KITLG: variants seen among roughly 807,000 people sequenced by gnomAD.
The protein encoded by KITLG is c-Kit ligand.
In KITLG, 13 loss-of-function variants were observed where a neutral mutation model predicts 34.1. The ratio of observed to expected loss-of-function variants is 0.38; its 90% CI spans 0.25 to 0.61. The LOEUF (loss-of-function observed/expected upper bound fraction) is 0.61. Among genes scored for constraint, KITLG ranks in the 20% least tolerant of loss-of-function variants. The probability of loss-of-function intolerance (pLI) is 0.60; values close to 1 mark genes in which losing one functional copy is unlikely to be tolerated. For synonymous variants in KITLG, 110 were observed against 104.0 expected, an observed-to-expected ratio of 1.06 and a Z score of -0.35; for missense variants, 292 against 318.9, an observed-to-expected ratio of 0.92 and a Z score of 0.64.
intron 1 of KITLG, among the ~76,000 whole-genome samples, chr12:88,576,527 A>C (rs1871829681): frequency 6.6e-6 from 1 of 152,230 alleles, no homozygotes; most frequent in Non-Finnish European, 1.5e-5. Context: ...AATTTCATTT[A>C]GTCCTTAAAA....
At position 88,507,064 on chromosome 12, in the gene KITLG, A is replaced by T; in HGVS notation, c.678T>A (p.Leu226=). 6.2e-7 allele frequency: 1 copy of T among 1,613,150 alleles called. No homozygotes were observed. The highest frequency in any genetic ancestry group is 8.5e-7 in the Non-Finnish European group (1 of 1,179,114). The change falls in exon 7 of 10, where the codon CTT becomes CTA. Residue 226 remains leucine, a synonymous_variant. Coordinates refer to ENST00000644744, the MANE Select transcript of KITLG (RefSeq NM_000899.5). ...AGGCTCCAAAAGCAAAGCCAATTAT[A>T]AGAGAAAACAATGCTGGCAATGCCA... The part of the protein sequence containing the change: ...AAMALPALFS[L]IIGFAFGALY...
chr12:88,549,085 G>A (rs190565492), intron 1 of KITLG, among the ~76,000 whole-genome samples: 192 of 152,284 alleles, frequency 1.3e-3, no homozygotes, highest in African/African-American at 4.4e-3. Flanking sequence ...AGAAAAGCTG[G>A]TGCCAAGGTC....
intron 1 of KITLG, among the ~76,000 whole-genome samples, chr12:88,560,548 G>T (rs1021462543): frequency 2.0e-5 from 3 of 152,178 alleles, no homozygotes; most frequent in Non-Finnish European, 4.4e-5. Context: ...TTCCAAGCAG[G>T]CAGGCTCTTT....
Position 88,501,070 on chromosome 12 carries a change from A to G in KITLG, c.*38-3889T>C, listed in dbSNP as rs145729694. Among the ~76,000 whole-genome samples the G allele has an allele frequency of 1.8e-3, 278 of 151,256 alleles. 2 individuals carry two copies. The highest frequency in any genetic ancestry group is 6.5e-3 in the African/African-American group (268 of 41,200). ...ACTGGGATTACAGGAATGAGCTACC[A>G]CTCCTGGCCTATTTATTCCTAGGTG... On this transcript the variant is annotated intron_variant, in intron 9 of 9. Transcript: ENST00000644744.
rs41303007 is a variant in KITLG, at chr12:88,580,401, G to A, written c.-123C>T. The A allele has an allele frequency of 8.7e-7, 1 of 1,155,062 alleles. No homozygotes were observed. Among genetic ancestry groups the A allele is most frequent in the Middle Eastern group, 1.9e-4 (1 of 5,208 alleles). The allele number at this position is 1,155,062 out of a possible 1,614,324, so 71.6% of individuals were successfully genotyped here. A position where few individuals can be genotyped will look rare whatever the true frequency, so the allele number is the denominator to read the frequency against. On this transcript the variant is annotated 5_prime_UTR_variant, in exon 1 of 10. Coordinates refer to ENST00000644744, the MANE Select transcript of KITLG (RefSeq NM_000899.5). ...ATAGTCCACGCATTGGGTAGCCCGA[G>A]CGCAGCGCCCTCTCCACTGTCCCTG...
At chr12:88,518,193 A>T (rs545001679) in intron 4 of KITLG, among the ~76,000 whole-genome samples, 1 of 151,548 alleles carries the variant, frequency 6.6e-6, no homozygotes, top group East Asian at 1.9e-4. Context: ...CCAATATCTC[A>T]CTCTTATTTT....
chr12:88,522,764 A>G (rs1277198666), intron 3 of KITLG, among the ~76,000 whole-genome samples: 1 of 152,114 alleles, frequency 6.6e-6, no homozygotes, highest in African/African-American at 2.4e-5. Context: ...GGTAAGATTT[A>G]CGGATTAAGA....
chr12:88,521,747 T>G (rs1354799899), intron 3 of KITLG, among the ~76,000 whole-genome samples: 23 of 152,142 alleles, frequency 1.5e-4, no homozygotes, highest in Non-Finnish European at 2.9e-5. Context: ...AGAAGAAACA[T>G]ATAGATTCTG....
intron 1 of KITLG, among the ~76,000 whole-genome samples, chr12:88,573,682 A>G (rs1442384881): frequency 3.9e-5 from 6 of 152,214 alleles, no homozygotes; most frequent in African/African-American, 1.2e-4. Context: ...TGGGCATACA[A>G]GACAAACACA....
At chr12:88,542,031 T>C (rs1318260567) in intron 2 of KITLG, among the ~76,000 whole-genome samples, 1 of 152,114 alleles carries the variant, frequency 6.6e-6, no homozygotes, top group Non-Finnish European at 1.5e-5. Context: ...TTCCCTCACA[T>C]AAAATGTAGC....
intron 3 of KITLG, among the ~76,000 whole-genome samples, chr12:88,521,839 C>G (rs1204403084): frequency 6.6e-6 from 1 of 152,040 alleles, no homozygotes; most frequent in African/African-American, 2.4e-5. Context: ...CTTATGTTTT[C>G]TTGGTTAATT....
intron 5 of KITLG, among the ~76,000 whole-genome samples, chr12:88,515,933 A>C (rs1017252338): frequency 6.6e-6 from 1 of 151,896 alleles, no homozygotes; most frequent in Admixed American, 6.6e-5. Context: ...GTGAAGGGAA[A>C]AAAGAGTCTT....
At chr12:88,509,027 A>G (rs1279551084) in intron 6 of KITLG, among the ~76,000 whole-genome samples, 4 of 152,188 alleles carry the variant, frequency 2.6e-5, no homozygotes, top group African/African-American at 9.6e-5. Flanking sequence ...TTGAAGGCCA[A>G]TCTGCTGTGG....
intron 1 of KITLG, among the ~76,000 whole-genome samples, chr12:88,550,039 A>C (rs887852315): frequency 6.6e-6 from 1 of 152,236 alleles, no homozygotes. Flanking sequence ...GTCACTGGTA[A>C]TATTAACAAG....
chr12:88,521,955 A>T (rs1422936895), intron 3 of KITLG, among the ~76,000 whole-genome samples: 1 of 152,176 alleles, frequency 6.6e-6, no homozygotes, highest in Admixed American at 6.6e-5. Context: ...TATTGACTCA[A>T]TGATATTGGA....
chr12:88,567,776 T>C (rs922134279), intron 1 of KITLG, among the ~76,000 whole-genome samples: 1 of 152,206 alleles, frequency 6.6e-6, no homozygotes, highest in Non-Finnish European at 1.5e-5. Context: ...ATGCATTAGC[T>C]CATTTAATCC....
At chr12:88,558,711 C>G (rs993727062) in intron 1 of KITLG, among the ~76,000 whole-genome samples, 7 of 152,122 alleles carry the variant, frequency 4.6e-5, no homozygotes, top group Admixed American at 1.3e-4. Flanking sequence ...CAGAGGGAAT[C>G]CAAATTTCTG....
At chr12:88,524,807 G>C (rs1475391507) in intron 3 of KITLG, among the ~76,000 whole-genome samples, 9 of 152,100 alleles carry the variant, frequency 5.9e-5, no homozygotes, top group Non-Finnish European at 7.4e-5. Flanking sequence ...AACATTTTAT[G>C]CTTATTCCTT....
At chr12:88,570,291 G>T (rs1871602626) in intron 1 of KITLG, among the ~76,000 whole-genome samples, 1 of 152,064 alleles carries the variant, frequency 6.6e-6, no homozygotes, top group Non-Finnish European at 1.5e-5. Flanking sequence ...TCAGGCAAGG[G>T]GTTTCCATTT....
Sources: gnomAD v4.1 joint callset for allele counts (sites outside exome capture counted in the v4.1 genomes callset) on GRCh38, gnomAD v4.1.1 for gene constraint, MANE v1.5 for transcripts, NCBI Gene and HGNC (gene_info 2026-07-23, HGNC 2026-07-21) for gene names.